The following NXPE2 variants were observed in gnomAD, a reference collection of about 807,000 sequenced individuals.
NXPE2 encodes the protein neurexophilin and PC-esterase domain family member 2, also known as NXPE family member 2.
NXPE2 carries 34 observed loss-of-function variants against 34.4 expected under a neutral mutation model. The ratio of observed to expected loss-of-function variants is 0.99; its 90% CI spans 0.75 to 1.31. The LOEUF (loss-of-function observed/expected upper bound fraction) is 1.31. Ranked by LOEUF, NXPE2 falls within the 40% of genes most tolerant of loss-of-function variation. The pLI, the probability that NXPE2 is intolerant of heterozygous loss-of-function variation, is 0.00. For synonymous variants in NXPE2, 235 were observed against 231.3 expected (o/e 1.02, Z -0.15); for missense variants, 649 against 672.5 (o/e 0.97, Z 0.39).
the NXPE2 span, among the ~76,000 whole-genome samples, chr11:114,590,481 C>T: frequency 3.3e-5 from 5 of 152,120 alleles, no homozygotes; most frequent in South Asian, 8.3e-4. Context: ...ATAGATCATC[C>T]TCTATATCAC....
At chr11:114,479,737 A>G in the NXPE2 span, among the ~76,000 whole-genome samples, 1 of 152,140 alleles carries the variant, frequency 6.6e-6, no homozygotes, top group African/African-American at 2.4e-5. Flanking sequence ...AGAGATGGCA[A>G]TTGGAGGGCA....
chr11:114,642,608 G>A, the NXPE2 span, among the ~76,000 whole-genome samples: 1 of 152,060 alleles, frequency 6.6e-6, no homozygotes, highest in African/African-American at 2.4e-5. Flanking sequence ...CCTTTTGATG[G>A]CTGCATGGTA....
chr11:114,466,570 T>A, the NXPE2 span, among the ~76,000 whole-genome samples: 7 of 151,970 alleles, frequency 4.6e-5, no homozygotes, highest in African/African-American at 1.5e-4. Context: ...ATATATATAT[T>A]GTCCAATTTT....
chr11:114,786,839 G>C, the NXPE2 span, among the ~76,000 whole-genome samples: 1 of 151,940 alleles, frequency 6.6e-6, no homozygotes, highest in African/African-American at 2.4e-5. Flanking sequence ...CAAGCCCCAC[G>C]CATGGTTCAC....
the NXPE2 span, among the ~76,000 whole-genome samples, chr11:114,740,871 A>G: frequency 6.6e-6 from 1 of 152,206 alleles, no homozygotes; most frequent in Non-Finnish European, 1.5e-5. Flanking sequence ...ATATGTATGT[A>G]GAATTATAAT....
chr11:114,737,589 G>A, the NXPE2 span, among the ~76,000 whole-genome samples: 9 of 152,148 alleles, frequency 5.9e-5, no homozygotes, highest in African/African-American at 1.9e-4. Context: ...GGTAGTTTGT[G>A]CTATTATCCT....
At chr11:114,797,249 GAC>G in the NXPE2 span, among the ~76,000 whole-genome samples, 3 of 152,190 alleles carry the variant, frequency 2.0e-5, no homozygotes, top group African/African-American at 7.2e-5. Flanking sequence ...GCATACAGCA[GAC>G]AGTGTCCCTC....
chr11:114,722,056 C>T, the NXPE2 span, among the ~76,000 whole-genome samples: 2 of 152,184 alleles, frequency 1.3e-5, no homozygotes, highest in Non-Finnish European at 2.9e-5. Context: ...AAAATGGAGT[C>T]TCAACCTTTT....
the NXPE2 span, among the ~76,000 whole-genome samples, chr11:114,611,715 C>T: frequency 2.7e-5 from 4 of 150,800 alleles, no homozygotes; most frequent in African/African-American, 7.3e-5. Context: ...GTTAGTATTG[C>T]CTTGTGGGTC....
chr11:114,804,629 T>C, the NXPE2 span, among the ~76,000 whole-genome samples: 11 of 152,234 alleles, frequency 7.2e-5, no homozygotes, highest in African/African-American at 2.7e-4. Context: ...TGATTGGTCT[T>C]AGAGAGAAGT....
the NXPE2 span, among the ~76,000 whole-genome samples, chr11:114,626,237 A>G: frequency 6.6e-6 from 1 of 152,208 alleles, no homozygotes; most frequent in Non-Finnish European, 1.5e-5. Flanking sequence ...ACAGACAAAC[A>G]AAAAGACAGC....
At chr11:114,810,253 G>T in the NXPE2 span, among the ~76,000 whole-genome samples, 130 of 150,834 alleles carry the variant, frequency 8.6e-4, no homozygotes, top group African/African-American at 2.8e-3. Flanking sequence ...AGAAAACCTA[G>T]GCAATACCAT....
chr11:114,641,386 A>C, the NXPE2 span, among the ~76,000 whole-genome samples: 1 of 152,118 alleles, frequency 6.6e-6, no homozygotes, highest in Non-Finnish European at 1.5e-5. Flanking sequence ...TGAGTCACAA[A>C]GGAAATCTCA....
chr11:114,737,336 T>C, the NXPE2 span, among the ~76,000 whole-genome samples: 2 of 152,086 alleles, frequency 1.3e-5, no homozygotes, highest in South Asian at 2.1e-4. Context: ...TCCACAGAGA[T>C]TGGGGTAGAG....
chr11:114,765,695 C>CT, the NXPE2 span, among the ~76,000 whole-genome samples: 1 of 152,300 alleles, frequency 6.6e-6, no homozygotes, highest in South Asian at 2.1e-4. Flanking sequence ...TTCATTCCTA[C>CT]TTTCATCTGT....
the NXPE2 span, among the ~76,000 whole-genome samples, chr11:114,735,193 G>C: frequency 1.3e-5 from 2 of 152,126 alleles, no homozygotes; most frequent in African/African-American, 4.8e-5. Context: ...TCTAAAAGCA[G>C]GGAATAGCTT....
chr11:114,735,898 A>G, the NXPE2 span, among the ~76,000 whole-genome samples: 1 of 152,028 alleles, frequency 6.6e-6, no homozygotes, highest in Non-Finnish European at 1.5e-5. Context: ...GTTCTTTTCT[A>G]TTTTCCCTAA....
chr11:114,664,866 T>C, the NXPE2 span, among the ~76,000 whole-genome samples: 1 of 152,300 alleles, frequency 6.6e-6, no homozygotes, highest in East Asian at 1.9e-4. Flanking sequence ...CTCTACAGTG[T>C]ACTACTGGAT....
At chr11:114,466,191 G>A in the NXPE2 span, among the ~76,000 whole-genome samples, 4 of 152,110 alleles carry the variant, frequency 2.6e-5, no homozygotes, top group African/African-American at 9.7e-5. Flanking sequence ...AAAAGAAAAT[G>A]TACTTAGATG....
Sources: gnomAD v4.1 joint callset for allele counts (sites outside exome capture counted in the v4.1 genomes callset) on GRCh38, gnomAD v4.1.1 for gene constraint, MANE v1.5 for transcripts, NCBI Gene and HGNC (gene_info 2026-07-23, HGNC 2026-07-21) for gene names.